ACHE: variants seen among roughly 807,000 people sequenced by gnomAD.
The protein encoded by ACHE is acetylcholinesterase (Yt blood group), also known as acetylcholinesterase.
Under a neutral mutation model 53.9 loss-of-function variants are expected in ACHE, and 19 were observed. The ratio of observed to expected loss-of-function variants is 0.35; its 90% CI spans 0.25 to 0.52. ACHE has a LOEUF of 0.52. Ranked by LOEUF, ACHE falls within the 20% of genes least tolerant of loss-of-function variation. ACHE has a pLI of 0.95. For synonymous variants in ACHE, 392 were observed against 378.1 expected, an observed-to-expected ratio of 1.04 and a Z score of -0.43; for missense variants, 605 against 849.4, an observed-to-expected ratio of 0.71 and a Z score of 3.58.
chr7:100,891,001 T>TGGA lies in ACHE; in HGVS notation c.1723+165_1723+167dup, dbSNP rs1158088646. ...GGAGAGGAAGAGGAGGAGAAGCTGG[T>TGGA]GGAGGAGGAGGAGGGGCAGGGGGAG... On this transcript the variant is annotated intron_variant, in intron 4 of 4. Coordinates refer to ENST00000241069, the MANE Select transcript of ACHE (RefSeq NM_000665.5). The TGGA allele has an allele frequency of 5.5e-6, 8 of 1,454,442 alleles. No individual in the cohort carries two copies. The East Asian group carries it at 1.7e-4, about 32-fold the overall frequency. The allele number at this position is 1,454,442 out of a possible 1,614,324, so 90.1% of individuals were successfully genotyped here.
rs1053710382 is a variant in ACHE, at chr7:100,892,263, G to C, written c.1553+71C>G. The C allele has an allele frequency of 1.4e-5, 21 of 1,453,720 alleles. No homozygotes were observed. The highest frequency in any genetic ancestry group is 2.8e-5 in the African/African-American group (2 of 70,330). 90.1% of individuals were successfully genotyped at this position (1,453,720 alleles called of 1,614,324 possible). On this transcript the variant is annotated intron_variant, in intron 3 of 4. Coordinates refer to ENST00000241069, the MANE Select transcript of ACHE (RefSeq NM_000665.5). This position sits in a 1 kb window ranked among gnomAD's most constrained non-coding sequence, Gnocchi z 5.2. ...CCACCCGTCCTTTCTGTCTCCGTGT[G>C]TCTGCCTTTGTGTGTCCTCCCGCCC...
At position 100,890,103 on chromosome 7, in the gene ACHE, T is replaced by G. The variant is rs1251215965; in HGVS notation, c.*111A>C. ...AGCCCCGGGGGACGTCGGGGTGGGGTGGGGATGGGCAGAGTCTGGGGCTCG... is the reference window on the plus strand; with the variant it reads ...AGCCCCGGGGGACGTCGGGGTGGGGGGGGGATGGGCAGAGTCTGGGGCTCG... On this transcript the variant is annotated 3_prime_UTR_variant, in exon 5 of 5. Transcript: ENST00000241069. The G allele has an allele frequency of 9.8e-6, 13 of 1,328,706 alleles. No individual in the cohort carries two copies. Among genetic ancestry groups the G allele is most frequent in the South Asian group, 3.1e-5 (2 of 65,310 alleles). 82.3% of individuals were successfully genotyped at this position (1,328,706 alleles called of 1,614,324 possible).
At position 100,892,983 on chromosome 7, in the gene ACHE, T is replaced by C. The variant is rs1790792986; in HGVS notation, c.1069-165A>G. 6.6e-6 allele frequency among the ~76,000 whole-genome samples: 1 copy of C among 151,648 alleles called. No individual in the cohort carries two copies. The highest frequency in any genetic ancestry group is 6.6e-5 in the Admixed American group (1 of 15,232). ...GGGAGGGATGCAGAGAAAGAGAAAA[T>C]AGACCCATGGTGGCTTTCCTGTCTG... On this transcript the variant is annotated intron_variant, in intron 2 of 4. Transcript: ENST00000241069. The surrounding 1 kb of genome is among the most constrained non-coding windows in gnomAD (Gnocchi z 5.2).
upstream of ACHE, chr7:100,896,852 C>T (rs1003624235): frequency 1.1e-5 from 2 of 184,518 alleles, no homozygotes; most frequent in South Asian, 1.1e-4. Context: ...CCCGTGTGGA[C>T]AGGGCTGCTG....
Position 100,893,988 on chromosome 7 carries a change from T to C in ACHE, c.245A>G (p.Glu82Gly). The change falls in exon 2 of 5, where the codon GAG (glutamate) becomes GGG (glycine). Residue 82 changes from glutamate to glycine, a missense_variant. Glu to Gly is a moderately conservative substitution (Grantham distance 98). Around this residue, in one of 4 missense-constraint regions of ACHE, gnomAD observed 397 missense variants for 632.5 expected, o/e 0.63. Coordinates refer to ENST00000241069, the MANE Select transcript of ACHE (RefSeq NM_000665.5). ...PMGPRRFLPP[E>G]PKQPWSGVVD... is the part of the protein sequence containing the mutation. The stretch of plus-strand genomic sequence containing the variant: ...CACCCCTGACCAAGGCTGCTTGGGC[T>C]CCGGTGGCAGAAAGCGACGGGGTCC... The C allele has an allele frequency of 6.2e-7, 1 of 1,611,882 alleles. No homozygotes were observed. The highest frequency in any genetic ancestry group is 8.5e-7 in the Non-Finnish European group (1 of 1,179,058).
At position 100,891,342 on chromosome 7, in the gene ACHE, C is replaced by G. The variant is rs763034170; in HGVS notation, c.1554-4G>C. The G allele has an allele frequency of 4.9e-5, 75 of 1,538,468 alleles. No homozygotes were observed. Among genetic ancestry groups the G allele is most frequent in the Middle Eastern group, 2.4e-4 (1 of 4,134 alleles). On this transcript the variant is annotated splice_region_variant and splice_polypyrimidine_tract_variant and intron_variant, in intron 3 of 4. Transcript: ENST00000241069. ...GTCTCGGGGCTCATTGGGATCCCTG[C>G]GGAAGGAAGGGAAGGCTCAGTCCAG...
chr7:100,890,572 GAA>G, intron 4 of ACHE: 1 of 1,370,830 alleles, frequency 7.3e-7, no homozygotes, highest in Non-Finnish European at 9.4e-7. Context: ...GAGGAGAAAA[GAA>G]TGACCGGAAG....
In ACHE at chr7:100,892,901, C is replaced by T; in HGVS notation, c.1069-83G>A. The T allele has an allele frequency of 1.4e-6, 2 of 1,448,004 alleles. No individual in the cohort carries two copies. Among genetic ancestry groups the T allele is most frequent in the Non-Finnish European group, 1.8e-6 (2 of 1,093,168 alleles). The allele number at this position is 1,448,004 out of a possible 1,614,324, so 89.7% of individuals were successfully genotyped here. On this transcript the variant is annotated intron_variant, in intron 2 of 4. Coordinates refer to ENST00000241069, the MANE Select transcript of ACHE (RefSeq NM_000665.5). The surrounding 1 kb of genome is among the most constrained non-coding windows in gnomAD (Gnocchi z 5.2). ...CAGAAACAGATGGACAGACAAAGAG[C>T]CAGAGAGATGAACAGTTACAGACCC...
Position 100,892,679 on chromosome 7 carries a change from T to C in ACHE, c.1208A>G (p.Asp403Gly). ...GVRVGVPQVSDLAAEAVVLHY... is the reference protein window; with the variant it reads ...GVRVGVPQVSGLAAEAVVLHY... ...CAGGACCACAGCCTCGGCTGCCAGG[T>C]CACTTACCTGGGGAACCCCGACCCG... The change falls in exon 3 of 5, where the codon GAC becomes GGC. Residue 403 changes from aspartate to glycine, a missense_variant. Asp to Gly is a moderately conservative substitution (Grantham distance 94). Around this residue, in one of 4 missense-constraint regions of ACHE, gnomAD observed 397 missense variants for 632.5 expected, o/e 0.63. Transcript: ENST00000241069. The surrounding 1 kb of genome is among the most constrained non-coding windows in gnomAD (Gnocchi z 5.2). 1 of 1,613,398 alleles carries C rather than the reference T, an allele frequency of 6.2e-7. No homozygotes were observed. The highest frequency in any genetic ancestry group is 1.1e-5 in the South Asian group (1 of 91,034).
chr7:100,894,185 T>A lies in ACHE; in HGVS notation c.48A>T (p.Pro16=), dbSNP rs769149634. 1.4e-6 allele frequency: 2 copies of A among 1,474,264 alleles called. No homozygotes were observed. The highest frequency in any genetic ancestry group is 2.4e-5 in the East Asian group (1 of 42,414). 91.3% of individuals were successfully genotyped at this position (1,474,264 alleles called of 1,614,324 possible). A position where few individuals can be genotyped will look rare whatever the true frequency, so the allele number is the denominator to read the frequency against. ...CLLHTPSLAS[P]LLLLLLWLLG... ...GGAGCCAGAGGAGGAGGAGAAGGAG[T>A]GGGGAAGCCAGGGAAGGCGTGTGCA... Residue 16 remains proline, a synonymous_variant, in exon 2 of 5, where the codon CCA becomes CCT. Transcript: ENST00000241069.
Position 100,890,037 on chromosome 7 carries a change from G to A in ACHE, c.*177C>T, listed in dbSNP as rs1584768437. 3.5e-5 allele frequency: 25 copies of A among 707,010 alleles called. No homozygotes were observed. In the East Asian group the frequency reaches 6.3e-4, roughly 18 times the overall value. 43.8% of individuals were successfully genotyped at this position (707,010 alleles called of 1,614,324 possible). ...GGCAGCCCAGAGGGGCGAAGGCACC[G>A]CGGGGGAGGGAGCTCAGCCTGAGAC... On this transcript the variant is annotated 3_prime_UTR_variant, in exon 5 of 5. Coordinates refer to ENST00000241069, the MANE Select transcript of ACHE (RefSeq NM_000665.5).
chr7:100,893,685 C>T lies in ACHE; in HGVS notation c.548G>A (p.Arg183Gln), dbSNP rs1459495976. Residue 183 changes from arginine (R) to glutamine (Q), a missense_variant, in exon 2 of 5, where the codon CGG becomes CAG. This residue lies in a region of ACHE where 397 missense variants were observed against 632.5 expected (regional missense o/e 0.63). Coordinates refer to ENST00000241069, the MANE Select transcript of ACHE (RefSeq NM_000665.5). ...ERTVLVSMNY[R>Q]VGAFGFLALP... ...GGCCAGGAAGCCAAAGGCTCCCACC[C>T]GGTAGTTCATGGACACCAGCACAGT... The T allele has an allele frequency of 4.3e-6, 7 of 1,613,236 alleles. No individual in the cohort carries two copies. The highest frequency in any genetic ancestry group is 4.2e-6 in the Non-Finnish European group (5 of 1,180,014).
Position 100,893,723 on chromosome 7 carries a change from T to C in ACHE, c.510A>G (p.Val170=), listed in dbSNP as rs1309260127. ...SLDVYDGRFL[V]QAERTVLVSM... is the part of the protein sequence containing the mutation. Reference sequence around the variant, plus strand: ...ACACCAGCACAGTCCTCTCGGCCTGTACCAAGAAGCGGCCATCGTACACGT... The same window carrying C: ...ACACCAGCACAGTCCTCTCGGCCTGCACCAAGAAGCGGCCATCGTACACGT... Residue 170 remains valine, a synonymous_variant, in exon 2 of 5, where the codon GTA becomes GTG. Transcript: ENST00000241069. 3 of 1,613,436 alleles carry C rather than the reference T, an allele frequency of 1.9e-6. No homozygotes were observed. The African/African-American group carries it at 4.0e-5, about 22-fold the overall frequency.
Position 100,892,959 on chromosome 7 carries a change from G to C in ACHE, c.1069-141C>G. On this transcript the variant is annotated intron_variant, in intron 2 of 4. Coordinates refer to ENST00000241069, the MANE Select transcript of ACHE (RefSeq NM_000665.5). This position sits in a 1 kb window ranked among gnomAD's most constrained non-coding sequence, Gnocchi z 5.2. The stretch of plus-strand genomic sequence containing the variant: ...TGGACAGAGAGAGGACGAGATCAGG[G>C]GAGGGATGCAGAGAAAGAGAAAATA... 7.9e-7 allele frequency: 1 copy of C among 1,273,266 alleles called. No individual in the cohort carries two copies. Among genetic ancestry groups the C allele is most frequent in the Non-Finnish European group, 1.1e-6 (1 of 945,164 alleles). The allele number at this position is 1,273,266 out of a possible 1,614,324, so 78.9% of individuals were successfully genotyped here.
chr7:100,890,538 A>C, intron 4 of ACHE: 1 of 1,412,788 alleles, frequency 7.1e-7, no homozygotes, highest in Non-Finnish European at 9.2e-7. Flanking sequence ...GCGGGGCCGG[A>C]GAAGGACAGC....
chr7:100,895,015 G>C (rs1040536822), intron 1 of ACHE, among the ~76,000 whole-genome samples: 1 of 152,142 alleles, frequency 6.6e-6, no homozygotes, highest in African/African-American at 2.4e-5. Flanking sequence ...CGAGCCAGGA[G>C]CCGGGAACTT....
In ACHE at chr7:100,890,676, C is replaced by T. The variant is rs190663480; in HGVS notation, c.1724-341G>A. The T allele has an allele frequency of 1.3e-5, 17 of 1,324,636 alleles. No individual in the cohort carries two copies. The African/African-American group carries it at 2.4e-4, about 19-fold the overall frequency. 82.1% of individuals were successfully genotyped at this position (1,324,636 alleles called of 1,614,324 possible). A position where few individuals can be genotyped will look rare whatever the true frequency, so the allele number is the denominator to read the frequency against. On this transcript the variant is annotated intron_variant, in intron 4 of 4. Transcript: ENST00000241069. The stretch of plus-strand genomic sequence containing the variant: ...ATAGCCCCAATGGGGGGTGCTACCC[C>T]GTCCGGGGCCTCCCACTTCCCCCCA...
rs770272944 is a variant in ACHE at position 100,893,192 on chromosome 7, G to C, written c.1041C>G (p.Ile347Met). Reference protein sequence around the residue: ...DFLSDTPEALINAGDFHGLQV... With the variant: ...DFLSDTPEALMNAGDFHGLQV... The stretch of plus-strand genomic sequence containing the variant: ...GCAGGCCGTGGAAGTCTCCCGCGTT[G>C]ATGAGGGCCTCTGGGGTGTCACTGA... The change falls in exon 2 of 5, where the codon ATC (isoleucine) becomes ATG (methionine). Residue 347 changes from isoleucine (I) to methionine (M), a missense_variant. This residue lies in a region of ACHE where 397 missense variants were observed against 632.5 expected (regional missense o/e 0.63). Coordinates refer to ENST00000241069, the MANE Select transcript of ACHE (RefSeq NM_000665.5). 15 of 1,613,890 alleles carry C rather than the reference G, an allele frequency of 9.3e-6. No individual in the cohort carries two copies. In the African/African-American group the frequency reaches 1.9e-4, roughly 20 times the overall value.
rs568157428 is a variant in ACHE, at chr7:100,892,040, G to A, written c.1553+294C>T. ...TGGCCTCAGGGGATCCTCCCACCTT[G>A]GCCTCCCAAAGGGCTGGAATTACAG... On this transcript the variant is annotated intron_variant, in intron 3 of 4. Coordinates refer to ENST00000241069, the MANE Select transcript of ACHE (RefSeq NM_000665.5). The surrounding 1 kb of genome is among the most constrained non-coding windows in gnomAD (Gnocchi z 5.2). Among the ~76,000 whole-genome samples, 1 of 151,936 alleles carries A rather than the reference G, an allele frequency of 6.6e-6. No homozygotes were observed. The highest frequency in any genetic ancestry group is 2.4e-5 in the African/African-American group (1 of 41,450).
Sources: gnomAD v4.1 joint callset for allele counts (sites outside exome capture counted in the v4.1 genomes callset) on GRCh38, gnomAD v4.1.1 for gene constraint, gnomAD v4.1.1 regional missense constraint, Gnocchi (gnomAD v3.1) non-coding constraint, MANE v1.5 for transcripts, NCBI Gene and HGNC (gene_info 2026-07-23, HGNC 2026-07-21) for gene names.